Variants in CHN2 observed in about 807,000 individuals in gnomAD.
The protein encoded by CHN2 is chimerin 2.
A neutral mutation model predicts 56.3 loss-of-function variants in CHN2; 35 were observed. The observed-to-expected ratio is 0.62, with a 90% CI of 0.47 to 0.82. The LOEUF (loss-of-function observed/expected upper bound fraction) is 0.82, where lower values mean the gene tolerates loss of function less well. CHN2 is among the 40% of genes least tolerant of loss of function. The probability of loss-of-function intolerance (pLI) is 0.00; values close to 1 mark genes in which losing one functional copy is unlikely to be tolerated. For missense variants in CHN2, 491 were observed against 580.5 expected (o/e 0.85, Z 1.58); for synonymous variants, 210 against 212.8 (o/e 0.99, Z 0.12).
chr7:29,363,447 T>G (rs1259678891), intron 2 of CHN2, among the ~76,000 whole-genome samples: 2 of 152,212 alleles, frequency 1.3e-5, no homozygotes, highest in African/African-American at 2.4e-5. Context: ...ATTGTGCCAC[T>G]GCACTCTAGC....
upstream of CHN2, chr7:29,194,124 C>G (rs1783250508): frequency 6.6e-6 from 1 of 152,614 alleles, no homozygotes; most frequent in Non-Finnish European, 1.5e-5. Context: ...CCCTCTGGAT[C>G]CCCCACCCCC....
chr7:29,151,654 C>T (rs1233156992), intron 2 of CHN2, among the ~76,000 whole-genome samples: 2 of 152,134 alleles, frequency 1.3e-5, no homozygotes, highest in Admixed American at 1.3e-4. Flanking sequence ...ATGAACCTGC[C>T]AGTGTGCTCA....
chr7:29,294,785 C>T (rs995105281), intron 1 of CHN2, among the ~76,000 whole-genome samples: 4 of 152,218 alleles, frequency 2.6e-5, no homozygotes, highest in Non-Finnish European at 5.9e-5. Flanking sequence ...CCTGTTCTCA[C>T]GTATGTTTTT....
At chr7:29,487,911 G>A (rs1197129714) in intron 7 of CHN2, among the ~76,000 whole-genome samples, 1 of 152,224 alleles carries the variant, frequency 6.6e-6, no homozygotes, top group Non-Finnish European at 1.5e-5. Context: ...AGCCACTCGA[G>A]GTTTTTGAGC....
chr7:29,470,198 G>T (rs116624037), intron 6 of CHN2, among the ~76,000 whole-genome samples: 1 of 152,152 alleles, frequency 6.6e-6, no homozygotes, highest in African/African-American at 2.4e-5. Flanking sequence ...ACAGTCCTAC[G>T]CTTGGTAGAG....
intron 1 of CHN2, among the ~76,000 whole-genome samples, chr7:29,215,259 G>A (rs1400228405): frequency 1.3e-5 from 2 of 152,146 alleles, no homozygotes; most frequent in African/African-American, 2.4e-5. Flanking sequence ...AGTTCTGCAC[G>A]GGGAGTCTTA....
At chr7:29,270,492 T>TAAAAAAA (rs869244337) in intron 1 of CHN2, among the ~76,000 whole-genome samples, 1 of 105,380 alleles carries the variant, frequency 9.5e-6, no homozygotes. Context: ...CCATCTCTAC[T>TAAAAAAA]AAAAAAAAAA....
chr7:29,401,866 T>G (rs1585272602), intron 6 of CHN2, among the ~76,000 whole-genome samples: 1 of 152,272 alleles, frequency 6.6e-6, no homozygotes, highest in East Asian at 1.9e-4. Flanking sequence ...GATGTGCCCC[T>G]TGAGGGACCA....
chr7:29,194,846 C>T lies in CHN2; in HGVS notation c.-96C>T, dbSNP rs1315207827. ...CGCGTCCCCAGGACTTTGCCATGGG[C>T]TGGGGGCCGCGGAGGCTGCGAGCGG... On this transcript the variant is annotated 5_prime_UTR_variant, in exon 1 of 13. Coordinates refer to ENST00000222792, the MANE Select transcript of CHN2 (RefSeq NM_004067.4). 5.0e-6 allele frequency: 6 copies of T among 1,192,526 alleles called. No individual in the cohort carries two copies. The highest frequency in any genetic ancestry group is 1.6e-5 in the African/African-American group (1 of 61,762). 73.9% of individuals were successfully genotyped at this position (1,192,526 alleles called of 1,614,324 possible).
chr7:29,332,961 G>A (rs1796337289), intron 1 of CHN2: 1 of 152,096 alleles, frequency 6.6e-6, no homozygotes, highest in Non-Finnish European at 1.5e-5. Flanking sequence ...TGTCCTCTCT[G>A]CACAGGGAGT....
At position 29,400,826 on chromosome 7, in the gene CHN2, A is replaced by G; in HGVS notation, c.574A>G (p.Lys192Glu). The G allele has an allele frequency of 6.2e-7, 1 of 1,613,274 alleles. No individual in the cohort carries two copies. Among genetic ancestry groups the G allele is most frequent in the South Asian group, 1.1e-5 (1 of 90,980 alleles). Residue 192 changes from lysine (K) to glutamate (E), a missense_variant and splice_region_variant, in exon 6 of 13, where the codon AAG becomes GAG. Lys to Glu is a moderately conservative substitution (Grantham distance 56, BLOSUM62 1). Transcript: ENST00000222792. Reference sequence around the variant, plus strand: ...ACATGAAGAACACACAGCGGTGGAAAAGGTGAGCTGTGTGTGATGGAAGCA... The same window carrying G: ...ACATGAAGAACACACAGCGGTGGAAGAGGTGAGCTGTGTGTGATGGAAGCA... ...VTHEEHTAVE[K>E]ISSLVRRAAL...
chr7:29,284,471 C>T (rs1017776972), intron 1 of CHN2, among the ~76,000 whole-genome samples: 3 of 152,196 alleles, frequency 2.0e-5, no homozygotes, highest in Non-Finnish European at 4.4e-5. Context: ...TCTGCTGACC[C>T]TGAAGAACCA....
intron 12 of CHN2, among the ~76,000 whole-genome samples, chr7:29,510,338 C>T (rs542711676): frequency 6.6e-6 from 1 of 152,254 alleles, no homozygotes; most frequent in Non-Finnish European, 1.5e-5. Flanking sequence ...ACTTGGGAGG[C>T]TGAGACAGGA....
At chr7:29,206,569 C>T (rs558463665) in intron 1 of CHN2, among the ~76,000 whole-genome samples, 2 of 152,136 alleles carry the variant, frequency 1.3e-5, no homozygotes, top group Non-Finnish European at 2.9e-5. Context: ...TGTGAGCCAC[C>T]GCGCCTGGCC....
At chr7:29,206,097 A>G (rs532735091) in intron 1 of CHN2, among the ~76,000 whole-genome samples, 1 of 152,196 alleles carries the variant, frequency 6.6e-6, no homozygotes, top group East Asian at 1.9e-4. Context: ...AAGGGCAGCT[A>G]TTTTTGTTTT....
chr7:29,307,624 G>T (rs1794274153), intron 1 of CHN2, among the ~76,000 whole-genome samples: 1 of 152,178 alleles, frequency 6.6e-6, no homozygotes, highest in Non-Finnish European at 1.5e-5. Context: ...AAAGTAGAGT[G>T]TGAGAGTCAG....
intron 1 of CHN2, among the ~76,000 whole-genome samples, chr7:29,320,395 G>GT (rs1795248549): frequency 6.6e-6 from 1 of 152,158 alleles, no homozygotes; most frequent in South Asian, 2.1e-4. Context: ...AGCCCTGCAG[G>GT]TCTGAATAAC....
At chr7:29,510,905 ATGGGACAC>A (rs1791258658) in intron 12 of CHN2, among the ~76,000 whole-genome samples, 3 of 151,754 alleles carry the variant, frequency 2.0e-5, no homozygotes, top group Admixed American at 1.3e-4. Flanking sequence ...CTGGATGTTT[ATGGGACAC>A]TAGAACCTCT....
intron 1 of CHN2, among the ~76,000 whole-genome samples, chr7:29,290,928 G>A (rs2128869006): frequency 6.6e-6 from 1 of 152,292 alleles, no homozygotes; most frequent in African/African-American, 2.4e-5. Context: ...CAGGCAACTT[G>A]AGAGATTCAA....
Sources: allele counts gnomAD v4.1 joint callset (sites outside exome capture counted in the v4.1 genomes callset), GRCh38; gene constraint gnomAD v4.1.1; transcripts MANE v1.5; gene names NCBI Gene and HGNC (gene_info 2026-07-23, HGNC 2026-07-21).